Variants in KCNK5 observed in about 807,000 individuals in gnomAD.
KCNK5 encodes the protein potassium channel subfamily K member 5.
Under a neutral mutation model 32.9 loss-of-function variants are expected in KCNK5, and 18 were observed. The ratio of observed to expected loss-of-function variants is 0.55; its 90% CI spans 0.38 to 0.81. The LOEUF is 0.81. Among genes scored for constraint, KCNK5 ranks in the 30% least tolerant of loss-of-function variants. The probability of loss-of-function intolerance (pLI) is 0.00; values close to 1 mark genes in which losing one functional copy is unlikely to be tolerated. For synonymous variants in KCNK5, 276 were observed against 275.3 expected (o/e 1.00, Z -0.03); for missense variants, 507 against 651.0 (o/e 0.78, Z 2.41).
chr6:39,197,767 C>T (rs530890116), intron 1 of KCNK5, among the ~76,000 whole-genome samples: 18 of 152,294 alleles, frequency 1.2e-4, no homozygotes, highest in Admixed American at 1.1e-3. Context: ...CCTCAGATAT[C>T]GATCTTGAAT....
Position 39,218,370 on chromosome 6 carries a change from A to G in KCNK5, c.186+10556T>C, listed in dbSNP as rs531397588. Among the ~76,000 whole-genome samples the G allele has an allele frequency of 2.0e-5, 3 of 152,208 alleles. No homozygotes were observed. In the South Asian group the frequency reaches 6.2e-4, roughly 32 times the overall value. On this transcript the variant is annotated intron_variant, in intron 1 of 4. Coordinates refer to ENST00000359534, the MANE Select transcript of KCNK5 (RefSeq NM_003740.4). ...AAGCATGAGCCACCACGCCCAGCCT[A>G]TGGGCCATTTTAAAAGGGATTAGAA...
chr6:39,217,685 G>A (rs892153546), intron 1 of KCNK5, among the ~76,000 whole-genome samples: 3 of 152,120 alleles, frequency 2.0e-5, no homozygotes, highest in Non-Finnish European at 4.4e-5. Flanking sequence ...ATGATTTGCC[G>A]CCACGAGAAA....
chr6:39,220,684 G>A (rs1424317918), intron 1 of KCNK5, among the ~76,000 whole-genome samples: 1 of 152,142 alleles, frequency 6.6e-6, no homozygotes, highest in Non-Finnish European at 1.5e-5. Context: ...AACTTGATGG[G>A]TTTTATCATG....
chr6:39,207,257 C>G (rs1418936949), intron 1 of KCNK5, among the ~76,000 whole-genome samples: 1 of 152,260 alleles, frequency 6.6e-6, no homozygotes, highest in African/African-American at 2.4e-5. Flanking sequence ...CACTACCTGA[C>G]ATTCTACTAG....
intron 1 of KCNK5, among the ~76,000 whole-genome samples, chr6:39,218,361 G>A (rs1402283572): frequency 1.3e-5 from 2 of 152,116 alleles, no homozygotes; most frequent in Non-Finnish European, 2.9e-5. Flanking sequence ...GAGCCACCAC[G>A]CCCAGCCTAT....
Position 39,190,719 on chromosome 6 carries a change from C to A in KCNK5, c.*171G>T. The A allele has an allele frequency of 1.7e-6, 1 of 587,602 alleles. No homozygotes were observed. Among genetic ancestry groups the A allele is most frequent in the Non-Finnish European group, 2.8e-6 (1 of 360,668 alleles). 36.4% of individuals were successfully genotyped at this position (587,602 alleles called of 1,614,324 possible). A position where few individuals can be genotyped will look rare whatever the true frequency, so the allele number is the denominator to read the frequency against. ...TCAGCTGGAGAACAGAGGCCCTGTC[C>A]CGGGCATACATCTAGCTGAGGATGA... On this transcript the variant is annotated 3_prime_UTR_variant, in exon 5 of 5. Transcript: ENST00000359534.
At chr6:39,228,879 G>C (rs968040538) in intron 1 of KCNK5, 47 bp downstream of exon 1, 3 of 1,594,968 alleles carry the variant, frequency 1.9e-6, no homozygotes, top group Non-Finnish European at 1.7e-6. Flanking sequence ...GCCCCCTAAA[G>C]CTCAAGCCAG....
intron 1 of KCNK5, among the ~76,000 whole-genome samples, chr6:39,213,581 T>C (rs1771377813): frequency 6.6e-6 from 1 of 152,058 alleles, no homozygotes; most frequent in South Asian, 2.1e-4. Context: ...AGCCCACCAG[T>C]TCAATAAGCA....
Position 39,229,309 on chromosome 6 carries a change from G to C in KCNK5, c.-198C>G. 5 of 660,370 alleles carry C rather than the reference G, an allele frequency of 7.6e-6. No homozygotes were observed. In the South Asian group the frequency reaches 9.8e-5, roughly 13 times the overall value. The allele number at this position is 660,370 out of a possible 1,614,324, so 40.9% of individuals were successfully genotyped here. On this transcript the variant is annotated 5_prime_UTR_variant, in exon 1 of 5. Coordinates refer to ENST00000359534, the MANE Select transcript of KCNK5 (RefSeq NM_003740.4). ...TGGCCCACGGAGTGCGGGGAGCTGC[G>C]TGGGGCCCCACTCACGCGGCCCGGG... is the stretch of plus-strand genomic sequence containing the variant.
At chr6:39,219,295 G>A (rs1040306254) in intron 1 of KCNK5, among the ~76,000 whole-genome samples, 1 of 152,224 alleles carries the variant, frequency 6.6e-6, no homozygotes, top group Non-Finnish European at 1.5e-5. Flanking sequence ...CCTCAAAGGG[G>A]AGAGGATAAC....
At chr6:39,196,878 G>A (rs965307349) in intron 1 of KCNK5, among the ~76,000 whole-genome samples, 1 of 152,228 alleles carries the variant, frequency 6.6e-6, no homozygotes, top group Admixed American at 6.5e-5. Flanking sequence ...AGAGTGCGAG[G>A]AGCGGTGGGG....
intron 1 of KCNK5, among the ~76,000 whole-genome samples, chr6:39,197,690 G>A (rs946324977): frequency 2.0e-5 from 3 of 152,226 alleles, no homozygotes; most frequent in South Asian, 2.1e-4. Context: ...CCAGGGCCAC[G>A]TTAATGTTAA....
intron 1 of KCNK5, among the ~76,000 whole-genome samples, chr6:39,228,600 C>T (rs764034442): frequency 8.5e-5 from 13 of 152,168 alleles, no homozygotes; most frequent in Admixed American, 2.0e-4. Context: ...CGCCTTTATC[C>T]GTCCCACAGC....
At position 39,190,977 on chromosome 6, in the gene KCNK5, G is replaced by A; in HGVS notation, c.1413C>T (p.Thr471=). The A allele has an allele frequency of 6.4e-7, 1 of 1,552,620 alleles. No individual in the cohort carries two copies. The highest frequency in any genetic ancestry group is 1.9e-5 in the Admixed American group (1 of 51,460). The stretch of plus-strand genomic sequence containing the variant: ...AGAGCTCAGACTCAGTGCTGGTGAA[G>A]GTGGACTCGGAGGAGGAGGGGAACT... ...MGEFPSSSES[T]FTSTESELSV... is the part of the protein sequence containing the mutation. The change falls in exon 5 of 5, where the codon ACC becomes ACT. Residue 471 remains threonine, a synonymous_variant. Transcript: ENST00000359534.
chr6:39,213,057 T>G (rs2113792416), intron 1 of KCNK5, among the ~76,000 whole-genome samples: 1 of 152,284 alleles, frequency 6.6e-6, no homozygotes, highest in African/African-American at 2.4e-5. Flanking sequence ...AGATCTGCAG[T>G]GCTCAAGTCC....
chr6:39,227,879 C>T (rs1771702887), intron 1 of KCNK5, among the ~76,000 whole-genome samples: 1 of 152,188 alleles, frequency 6.6e-6, no homozygotes, highest in South Asian at 2.1e-4. Flanking sequence ...TTTCTGGCAT[C>T]TTTCACCCTG....
rs188557973 is a variant in KCNK5 at position 39,206,345 on chromosome 6, G to A, written c.187-10358C>T. On this transcript the variant is annotated intron_variant, in intron 1 of 4. Coordinates refer to ENST00000359534, the MANE Select transcript of KCNK5 (RefSeq NM_003740.4). ...TGACTATATGAGTTAGGGTAAGCGC[G>A]TGCCTACGCTCCCTACCCCATTCCC... Among the ~76,000 whole-genome samples, 83 of 152,328 alleles carry A rather than the reference G, an allele frequency of 5.4e-4. 1 individual carries two copies. The highest frequency in any genetic ancestry group is 4.8e-3 in the Admixed American group (73 of 15,296).
intron 1 of KCNK5, among the ~76,000 whole-genome samples, chr6:39,228,655 C>T (rs1367463722): frequency 6.6e-6 from 1 of 152,142 alleles, no homozygotes; most frequent in Non-Finnish European, 1.5e-5. Context: ...ACTGAAACAC[C>T]GTGGAGCCTA....
chr6:39,211,773 G>C (rs1454334720), intron 1 of KCNK5, among the ~76,000 whole-genome samples: 2 of 151,468 alleles, frequency 1.3e-5, no homozygotes, highest in Non-Finnish European at 2.9e-5. Flanking sequence ...AGACCAGCCT[G>C]ACCAACATGG....
Sources: allele counts gnomAD v4.1 joint callset (sites outside exome capture counted in the v4.1 genomes callset), GRCh38; gene constraint gnomAD v4.1.1; transcripts MANE v1.5; gene names NCBI Gene and HGNC (gene_info 2026-07-23, HGNC 2026-07-21).